The following HERC5 variants were observed in gnomAD, a reference collection of about 807,000 sequenced individuals.
The protein encoded by HERC5 is HECT and RLD domain containing E3 ubiquitin protein ligase 5, also known as E3 ISG15--protein ligase HERC5.
HERC5 carries 99 observed loss-of-function variants against 119.6 expected under a neutral mutation model. That is an observed-to-expected ratio of 0.83 (90% CI 0.70 to 0.98). The LOEUF (loss-of-function observed/expected upper bound fraction) is 0.98. HERC5 is among the 50% of genes least tolerant of loss of function. HERC5 has a pLI of 0.00. For missense variants in HERC5, 1,267 were observed against 1,241.3 expected (o/e 1.02, Z -0.31); for synonymous variants, 478 against 445.9 (o/e 1.07, Z -0.91).
intron 3 of HERC5, among the ~76,000 whole-genome samples, 160 bp downstream of exon 3, chr4:88,460,331 A>C (rs1740382167): frequency 6.6e-6 from 1 of 152,206 alleles, no homozygotes; most frequent in Admixed American, 6.5e-5. Context: ...ATAATGAGAG[A>C]ATTCTTGGAT....
chr4:88,462,211 A>C lies in HERC5; in HGVS notation c.543A>C (p.Thr181=). 6.2e-7 allele frequency: 1 copy of C among 1,614,166 alleles called. No homozygotes were observed. The highest frequency in any genetic ancestry group is 8.5e-7 in the Non-Finnish European group (1 of 1,180,022). Residue 181 remains threonine, a synonymous_variant, in exon 4 of 23, where the codon ACA becomes ACC. Coordinates refer to ENST00000264350, the MANE Select transcript of HERC5 (RefSeq NM_016323.4). ...GAAGGAAATTTCCCTCAACCACCAC[A>C]CCACAGATTGTGGAGCACCTCGCAG... ...GVGRKFPSTT[T]PQIVEHLAGV...
chr4:88,475,447 G>T lies in HERC5; in HGVS notation c.1393-394G>T, dbSNP rs868452627. ...GATTCTCCTGCCTCAGCCTCCCAAG[G>T]AGCTGGGACTACAGGCACGCACCGT... is the stretch of plus-strand genomic sequence containing the variant. On this transcript the variant is annotated intron_variant, in intron 11 of 22. Transcript: ENST00000264350. Among the ~76,000 whole-genome samples the T allele has an allele frequency of 4.0e-5, 6 of 150,994 alleles. No individual in the cohort carries two copies. The South Asian group carries it at 8.4e-4, about 21-fold the overall frequency.
At chr4:88,472,349 A>G in intron 10 of HERC5, 60 bp from the exon 11 acceptor site, 1 of 946,946 alleles carries the variant, frequency 1.1e-6, no homozygotes, top group Non-Finnish European at 1.7e-6. Context: ...AAGCTCTAGA[A>G]GAAACTTTGC....
intron 20 of HERC5, 97 bp downstream of exon 20, chr4:88,501,082 A>T: frequency 1.3e-6 from 1 of 773,962 alleles, no homozygotes; most frequent in Middle Eastern, 3.4e-4. Flanking sequence ...TTTCATTCTC[A>T]TTAATCATTT....
Position 88,457,293 on chromosome 4 carries a change from G to T in HERC5, c.24G>T (p.Lys8Asn). The change falls in exon 1 of 23, where the codon AAG becomes AAT. Residue 8 changes from lysine (K) to asparagine (N), a missense_variant. By Grantham distance (94) the Lys-to-Asn change is moderately conservative (BLOSUM62 0). This residue lies in a region of HERC5 where 777 missense variants were observed against 758.0 expected (regional missense o/e 1.03). Coordinates refer to ENST00000264350, the MANE Select transcript of HERC5 (RefSeq NM_016323.4). ...CGATGGAGCGGAGGTCGCGGAGGAA[G>T]TCGCGGCGCAACGGGCGCTCGACCG... MERRSRR[K>N]SRRNGRSTAG... 7.4e-7 allele frequency: 1 copy of T among 1,358,746 alleles called. No homozygotes were observed. The highest frequency in any genetic ancestry group is 9.4e-7 in the Non-Finnish European group (1 of 1,061,842). The allele number at this position is 1,358,746 out of a possible 1,614,324, so 84.2% of individuals were successfully genotyped here. A position where few individuals can be genotyped will look rare whatever the true frequency, so the allele number is the denominator to read the frequency against.
At chr4:88,482,642 G>A (rs1741317809) in intron 13 of HERC5, among the ~76,000 whole-genome samples, 1 of 152,182 alleles carries the variant, frequency 6.6e-6, no homozygotes, top group Non-Finnish European at 1.5e-5. Context: ...AGAAGGGGAT[G>A]TGTGGGCTGA....
At position 88,487,182 on chromosome 4, in the gene HERC5, A is replaced by G; in HGVS notation, c.1962+3A>G. 1 of 1,428,958 alleles carries G rather than the reference A, an allele frequency of 7.0e-7. No individual in the cohort carries two copies. Among genetic ancestry groups the G allele is most frequent in the Non-Finnish European group, 9.9e-7 (1 of 1,013,310 alleles). 88.5% of individuals were successfully genotyped at this position (1,428,958 alleles called of 1,614,324 possible). On this transcript the variant is annotated splice_donor_region_variant and intron_variant, in intron 15 of 22. Coordinates refer to ENST00000264350, the MANE Select transcript of HERC5 (RefSeq NM_016323.4). The stretch of plus-strand genomic sequence containing the variant: ...CAGACACACTTTTAAAAATAGAGGT[A>G]TGTATGCCTATTTGTCTTCATTAGC...
At chr4:88,466,952 A>G (rs1446669836) in intron 6 of HERC5, 107 bp from the exon 7 acceptor site, 2 of 1,053,820 alleles carry the variant, frequency 1.9e-6, no homozygotes, top group Non-Finnish European at 2.8e-6. Context: ...AGAGATGTTT[A>G]GTTTCACTCT....
Position 88,457,410 on chromosome 4 carries a change from C to T in HERC5, c.141C>T (p.Leu47=), listed in dbSNP as rs1441773829. 2.2e-6 allele frequency: 3 copies of T among 1,390,962 alleles called. No homozygotes were observed. The highest frequency in any genetic ancestry group is 2.8e-6 in the Non-Finnish European group (3 of 1,075,516). The allele number at this position is 1,390,962 out of a possible 1,614,324, so 86.2% of individuals were successfully genotyped here. The part of the protein sequence containing the change: ...PSAAGLHRAL[L]RRVEVTRQLC... ...CCGCGGGCCTCCACCGCGCGCTGCT[C>T]CGGAGGGTGGAGGTGACGCGCCAAC... is the stretch of plus-strand genomic sequence containing the variant. The change falls in exon 1 of 23, where the codon CTC becomes CTT. Residue 47 remains leucine, a synonymous_variant. Transcript: ENST00000264350.
At position 88,479,433 on chromosome 4, in the gene HERC5, G is replaced by T. The variant is rs750066872; in HGVS notation, c.1663G>T (p.Asp555Tyr). The T allele has an allele frequency of 1.2e-5, 20 of 1,612,750 alleles. No homozygotes were observed. The highest frequency in any genetic ancestry group is 1.6e-5 in the Non-Finnish European group (19 of 1,179,394). ...MFKTAVICQL[D>Y]YWDESAEENG... Reference sequence around the variant, plus strand: ...TAAAACAGCCGTCATATGCCAGTTGGATTACTGGGATGAAAGTGCTGAGGA... The same window carrying T: ...TAAAACAGCCGTCATATGCCAGTTGTATTACTGGGATGAAAGTGCTGAGGA... Residue 555 changes from aspartate (D) to tyrosine (Y), a missense_variant, in exon 13 of 23, where the codon GAT becomes TAT. Around this residue, in one of 3 missense-constraint regions of HERC5, gnomAD observed 777 missense variants for 758.0 expected, o/e 1.03. Coordinates refer to ENST00000264350, the MANE Select transcript of HERC5 (RefSeq NM_016323.4).
At chr4:88,492,267 G>A (rs1741665279) in intron 16 of HERC5, among the ~76,000 whole-genome samples, 2 of 151,810 alleles carry the variant, frequency 1.3e-5, no homozygotes, top group African/African-American at 4.8e-5. Flanking sequence ...GCCTCCCAAA[G>A]TGCTGGCATT....
intron 16 of HERC5, 146 bp from the exon 17 acceptor site, chr4:88,492,863 TATG>T (rs773905045): frequency 1.3e-5 from 8 of 593,298 alleles, no homozygotes; most frequent in Non-Finnish European, 2.0e-5. Context: ...AGAGATTAAA[TATG>T]ATAATATAAG....
Position 88,470,563 on chromosome 4 carries a change from T to G in HERC5, c.1239-51T>G, listed in dbSNP as rs760609084. ...TCATGCTGTAAAGAAAGAGGCTGTA[T>G]GTATGTATACCATGTGATTTGGTTT... On this transcript the variant is annotated intron_variant, in intron 9 of 22. Transcript: ENST00000264350. 3.4e-6 allele frequency: 3 copies of G among 890,736 alleles called. No individual in the cohort carries two copies. The East Asian group carries it at 7.5e-5, about 22-fold the overall frequency. 55.2% of individuals were successfully genotyped at this position (890,736 alleles called of 1,614,324 possible).
intron 16 of HERC5, among the ~76,000 whole-genome samples, chr4:88,492,465 C>T (rs753726190): frequency 2.7e-5 from 4 of 150,640 alleles, no homozygotes; most frequent in Non-Finnish European, 4.4e-5. Flanking sequence ...GGCTGTAGGC[C>T]GGGTGTGGTG....
intron 7 of HERC5, 91 bp downstream of exon 7, chr4:88,467,295 ATGACTATGAAGGGAGTTTCTCTAAATAC>A: frequency 7.7e-7 from 1 of 1,294,684 alleles, no homozygotes; most frequent in East Asian, 2.3e-5. Context: ...AAAGCAACAT[ATGACTATGAAGGGAGTTTCTCTAAATAC>A]TGGTTTCATT....
chr4:88,457,646 C>A, intron 1 of HERC5, 112 bp downstream of exon 1: 1 of 1,090,974 alleles, frequency 9.2e-7, no homozygotes, highest in Non-Finnish European at 1.2e-6. Flanking sequence ...CCCAGAAGGC[C>A]GCAGACGCGC....
At chr4:88,459,623 C>T (rs1394716398) in intron 2 of HERC5, among the ~76,000 whole-genome samples, 153 bp downstream of exon 2, 1 of 152,002 alleles carries the variant, frequency 6.6e-6, no homozygotes, top group Non-Finnish European at 1.5e-5. Context: ...CCTTATGTCC[C>T]CCAGGGCAGG....
chr4:88,468,599 TCAG>T (rs1211471713), intron 8 of HERC5, among the ~76,000 whole-genome samples, 177 bp downstream of exon 8: 6 of 152,184 alleles, frequency 3.9e-5, no homozygotes, highest in Non-Finnish European at 8.8e-5. Flanking sequence ...CCCACAAAAA[TCAG>T]CAGATTTTTC....
intron 16 of HERC5, among the ~76,000 whole-genome samples, chr4:88,489,725 T>C (rs750222594): frequency 6.6e-6 from 1 of 151,934 alleles, no homozygotes; most frequent in African/African-American, 2.4e-5. Context: ...TAACCTAAAT[T>C]GGGACAGGCA....
Sources: gnomAD v4.1 joint callset for allele counts (sites outside exome capture counted in the v4.1 genomes callset) on GRCh38, gnomAD v4.1.1 for gene constraint, gnomAD v4.1.1 regional missense constraint, MANE v1.5 for transcripts, NCBI Gene and HGNC (gene_info 2026-07-23, HGNC 2026-07-21) for gene names.